STAT4: variants seen among roughly 807,000 people sequenced by gnomAD.
STAT4 encodes signal transducer and activator of transcription 4.
Under a neutral mutation model 110.5 loss-of-function variants are expected in STAT4, and 42 were observed. The ratio of observed to expected loss-of-function variants is 0.38; its 90% CI spans 0.30 to 0.49. The LOEUF (loss-of-function observed/expected upper bound fraction) is 0.49. STAT4 is among the 20% of genes least tolerant of loss of function. The pLI is 0.95. For synonymous variants in STAT4, 284 were observed against 302.2 expected, an observed-to-expected ratio of 0.94 and a Z score of 0.63; for missense variants, 632 against 887.9, an observed-to-expected ratio of 0.71 and a Z score of 3.66.
chr2:191,032,977 G>A lies in STAT4; in HGVS notation c.2025C>T (p.Tyr675=), dbSNP rs1695941640. ...IPKDKAFGKH[Y]SSQPCEVSRP... is the part of the protein sequence containing the mutation. ...CCTAACCTTCGCAAGGCTGAGAGCT[G>A]TAGTGTTTACCGAAGGCTTTGTCTT... Residue 675 remains tyrosine, a synonymous_variant, in exon 21 of 24, where the codon TAC becomes TAT. Coordinates refer to ENST00000392320, the MANE Select transcript of STAT4 (RefSeq NM_003151.4). The surrounding 1 kb of genome is among the most constrained non-coding windows in gnomAD (Gnocchi z 4.9). 6.2e-7 allele frequency: 1 copy of A among 1,613,856 alleles called. No homozygotes were observed. The highest frequency in any genetic ancestry group is 1.7e-5 in the Admixed American group (1 of 59,966).
chr2:191,083,662 A>G lies in STAT4; in HGVS notation c.274-7337T>C, dbSNP rs1351620176. ...TTTCATTCACATTTTTGAATTAGAA[A>G]TGTGCAACCTACTGCGTACTTCTGG... On this transcript the variant is annotated intron_variant, in intron 3 of 23. Transcript: ENST00000392320. The surrounding 1 kb of genome is among the most constrained non-coding windows in gnomAD (Gnocchi z 4.6). Among the ~76,000 whole-genome samples the G allele has an allele frequency of 6.6e-6, 1 of 152,166 alleles. No individual in the cohort carries two copies. The highest frequency in any genetic ancestry group is 1.9e-4 in the East Asian group (1 of 5,188).
rs1698234710 is a variant in STAT4 at position 191,104,780 on chromosome 2, C to T, written c.274-28455G>A. 6.6e-6 allele frequency among the ~76,000 whole-genome samples: 1 copy of T among 151,938 alleles called. No homozygotes were observed. The highest frequency in any genetic ancestry group is 1.5e-5 in the Non-Finnish European group (1 of 67,998). Reference sequence around the variant, plus strand: ...TCTCTATTACTCTTTTATTTTGCTGCCAACTGGTAAAAACTTTATTAAGGA... The same window carrying T: ...TCTCTATTACTCTTTTATTTTGCTGTCAACTGGTAAAAACTTTATTAAGGA... On this transcript the variant is annotated intron_variant, in intron 3 of 23. Transcript: ENST00000392320. This position sits in a 1 kb window ranked among gnomAD's most constrained non-coding sequence, Gnocchi z 4.3.
chr2:191,065,503 T>C (rs1207725084), intron 7 of STAT4, among the ~76,000 whole-genome samples: 1 of 152,336 alleles, frequency 6.6e-6, no homozygotes, highest in African/African-American at 2.4e-5. Flanking sequence ...TATTTAATCT[T>C]GCTTAAACTT....
At chr2:191,132,945 G>A (rs1431188472) in intron 3 of STAT4, among the ~76,000 whole-genome samples, 5 of 151,136 alleles carry the variant, frequency 3.3e-5, no homozygotes, top group Admixed American at 1.3e-4. Flanking sequence ...TAGTAGAGAC[G>A]GGGTTTCACC....
chr2:191,071,141 C>T lies in STAT4; in HGVS notation c.466-1370G>A, dbSNP rs183176578. Among the ~76,000 whole-genome samples the T allele has an allele frequency of 1.5e-4, 23 of 152,290 alleles. No individual in the cohort carries two copies. The East Asian group carries it at 4.0e-3, about 27-fold the overall frequency. On this transcript the variant is annotated intron_variant, in intron 5 of 23. Transcript: ENST00000392320. ...TTGAGCAACCTGTGCTGTGCCTATA[C>T]CTTACATAGATTATCCTTTCGGCAA...
chr2:191,037,693 G>T lies in STAT4; in HGVS notation c.1435-1394C>A, dbSNP rs915797221. ...TAATCAAGAAAAAGAACCAATTCAA[G>T]AGATTTCAGAAGGTGGGAATGAAAG... On this transcript the variant is annotated intron_variant, in intron 16 of 23. Coordinates refer to ENST00000392320, the MANE Select transcript of STAT4 (RefSeq NM_003151.4). The surrounding 1 kb of genome is among the most constrained non-coding windows in gnomAD (Gnocchi z 4.8). Among the ~76,000 whole-genome samples, 5 of 152,176 alleles carry T rather than the reference G, an allele frequency of 3.3e-5. No homozygotes were observed. The highest frequency in any genetic ancestry group is 1.2e-4 in the African/African-American group (5 of 41,448).
At chr2:191,100,149 C>T (rs1023895376) in intron 3 of STAT4, among the ~76,000 whole-genome samples, 3 of 152,102 alleles carry the variant, frequency 2.0e-5, no homozygotes, top group Non-Finnish European at 2.9e-5. Context: ...TTATTCCAAT[C>T]TGAAGAAATA....
At chr2:191,044,647 CA>C (rs1371538866) in intron 14 of STAT4, among the ~76,000 whole-genome samples, 1 of 151,978 alleles carries the variant, frequency 6.6e-6, no homozygotes, top group Non-Finnish European at 1.5e-5. Flanking sequence ...AACAAACGAA[CA>C]AAACAATAAA....
At chr2:191,088,693 A>G (rs894853176) in intron 3 of STAT4, among the ~76,000 whole-genome samples, 1 of 152,212 alleles carries the variant, frequency 6.6e-6, no homozygotes, top group Non-Finnish European at 1.5e-5. Flanking sequence ...AACCTATAGT[A>G]ATCAAGACAG....
chr2:191,146,569 A>G lies in STAT4; in HGVS notation c.273+44T>C. ...TATTTAATTTTTAACTAAATTTAAG[A>G]CTCATATATCCAAATATTTTGGAAA... On this transcript the variant is annotated intron_variant, in intron 3 of 23. Transcript: ENST00000392320. This position sits in a 1 kb window ranked among gnomAD's most constrained non-coding sequence, Gnocchi z 4.5. The G allele has an allele frequency of 7.2e-7, 1 of 1,383,780 alleles. No homozygotes were observed. Among genetic ancestry groups the G allele is most frequent in the African/African-American group, 1.5e-5 (1 of 67,486 alleles). The allele number at this position is 1,383,780 out of a possible 1,614,324, so 85.7% of individuals were successfully genotyped here. A position where few individuals can be genotyped will look rare whatever the true frequency, so the allele number is the denominator to read the frequency against.
chr2:191,134,668 A>C (rs908629339), intron 3 of STAT4, among the ~76,000 whole-genome samples: 17 of 152,256 alleles, frequency 1.1e-4, no homozygotes, highest in African/African-American at 3.9e-4. Flanking sequence ...TACCCAATCA[A>C]GATCATAGGA....
At position 191,031,112 on chromosome 2, in the gene STAT4, G is replaced by A; in HGVS notation, c.2112-32C>T. On this transcript the variant is annotated intron_variant, in intron 22 of 23. Transcript: ENST00000392320. This position sits in a 1 kb window ranked among gnomAD's most constrained non-coding sequence, Gnocchi z 4.8. Reference sequence around the variant, plus strand: ...GAGATAACAAGGTCAATATGGACAAGGATTAAAAAATAATAATAGTTCACG... The same window carrying A: ...GAGATAACAAGGTCAATATGGACAAAGATTAAAAAATAATAATAGTTCACG... 1 of 1,600,674 alleles carries A rather than the reference G, an allele frequency of 6.2e-7. No homozygotes were observed. The highest frequency in any genetic ancestry group is 8.6e-7 in the Non-Finnish European group (1 of 1,168,490).
In STAT4 at chr2:191,031,592, G is replaced by C. The variant is rs1559035388; in HGVS notation, c.2045-76C>G. On this transcript the variant is annotated intron_variant, in intron 21 of 23. Coordinates refer to ENST00000392320, the MANE Select transcript of STAT4 (RefSeq NM_003151.4). The surrounding 1 kb of genome is among the most constrained non-coding windows in gnomAD (Gnocchi z 4.8). ...ATAAAACTGGGGAAAAAAGAGTCTAGAAAAATATTAACAATGATAAGAGGA... is the reference window on the plus strand; with the variant it reads ...ATAAAACTGGGGAAAAAAGAGTCTACAAAAATATTAACAATGATAAGAGGA... The C allele has an allele frequency of 8.4e-7, 1 of 1,196,686 alleles. No individual in the cohort carries two copies. The allele number at this position is 1,196,686 out of a possible 1,614,324, so 74.1% of individuals were successfully genotyped here. A position where few individuals can be genotyped will look rare whatever the true frequency, so the allele number is the denominator to read the frequency against.
At chr2:191,096,084 C>G (rs1253494900) in intron 3 of STAT4, among the ~76,000 whole-genome samples, 1 of 152,150 alleles carries the variant, frequency 6.6e-6, no homozygotes, top group Non-Finnish European at 1.5e-5. Context: ...AGTTGAATCC[C>G]TGAATAGACC....
intron 14 of STAT4, among the ~76,000 whole-genome samples, chr2:191,045,074 G>C (rs969371893): frequency 6.6e-6 from 1 of 152,090 alleles, no homozygotes; most frequent in African/African-American, 2.4e-5. Context: ...CATATGGAGA[G>C]CTGTAATAAG....
At position 191,062,948 on chromosome 2, in the gene STAT4, A is replaced by G; in HGVS notation, c.783-28T>C. 6.3e-7 allele frequency: 1 copy of G among 1,595,786 alleles called. No homozygotes were observed. Among genetic ancestry groups the G allele is most frequent in the South Asian group, 1.1e-5 (1 of 88,312 alleles). On this transcript the variant is annotated intron_variant, in intron 8 of 23. Coordinates refer to ENST00000392320, the MANE Select transcript of STAT4 (RefSeq NM_003151.4). The surrounding 1 kb of genome is among the most constrained non-coding windows in gnomAD (Gnocchi z 4.9). The stretch of plus-strand genomic sequence containing the variant: ...ATTGAACAGAAAATGAAAATCAAAG[A>G]TAGTTTTTCCACTTAATAATAAAAA...
chr2:191,136,524 G>A (rs146085135), intron 3 of STAT4, among the ~76,000 whole-genome samples: 286 of 152,324 alleles, frequency 1.9e-3, no homozygotes, highest in African/African-American at 6.4e-3. Context: ...GGCCAAGACC[G>A]GCAGATCATT....
At chr2:191,078,124 C>A (rs1156952561) in intron 3 of STAT4, among the ~76,000 whole-genome samples, 1 of 151,942 alleles carries the variant, frequency 6.6e-6, no homozygotes, top group Admixed American at 6.6e-5. Flanking sequence ...TCTCCTAGGG[C>A]TAATTTGGAA....
In STAT4 at chr2:191,113,109, A is replaced by C. The variant is rs529320620; in HGVS notation, c.273+33504T>G. Among the ~76,000 whole-genome samples, 66 of 152,298 alleles carry C rather than the reference A, an allele frequency of 4.3e-4. No homozygotes were observed. Among genetic ancestry groups the C allele is most frequent in the African/African-American group, 1.6e-3 (65 of 41,560 alleles). ...TTCCTGCCTCTGTGTCTTTGCCTAC[A>C]TGGTGTTGCCCACTTGTAACACCTG... On this transcript the variant is annotated intron_variant, in intron 3 of 23. Transcript: ENST00000392320. The surrounding 1 kb of genome is among the most constrained non-coding windows in gnomAD (Gnocchi z 4.8).
Sources: gnomAD v4.1 joint callset for allele counts (sites outside exome capture counted in the v4.1 genomes callset) on GRCh38, gnomAD v4.1.1 for gene constraint, Gnocchi (gnomAD v3.1) non-coding constraint, MANE v1.5 for transcripts, NCBI Gene and HGNC (gene_info 2026-07-23, HGNC 2026-07-21) for gene names.